Variants in JAKMIP2 observed in about 807,000 individuals in gnomAD.
JAKMIP2 encodes the protein janus kinase and microtubule-interacting protein 2.
JAKMIP2 carries 25 observed loss-of-function variants against 115.0 expected under a neutral mutation model. The ratio of observed to expected loss-of-function variants is 0.22; its 90% CI spans 0.16 to 0.30. The LOEUF (loss-of-function observed/expected upper bound fraction) is 0.30. Ranked by LOEUF, JAKMIP2 falls within the 10% of genes least tolerant of loss-of-function variation. The pLI, the probability that JAKMIP2 is intolerant of heterozygous loss-of-function variation, is 1.00. For synonymous variants in JAKMIP2, 334 were observed against 343.6 expected (o/e 0.97, Z 0.31); for missense variants, 642 against 957.6 (o/e 0.67, Z 4.35).
chr5:147,679,807 T>A (rs1760165784), intron 1 of JAKMIP2, among the ~76,000 whole-genome samples: 1 of 152,208 alleles, frequency 6.6e-6, no homozygotes, highest in African/African-American at 2.4e-5. Context: ...GGCTTAGCTA[T>A]AATAACACTT....
intron 1 of JAKMIP2, among the ~76,000 whole-genome samples, chr5:147,743,997 T>TC (rs1317107609): frequency 1.1e-4 from 12 of 110,612 alleles, no homozygotes; most frequent in Non-Finnish European, 1.6e-4. Context: ...CTTCCTAACT[T>TC]CTTTCCTTCC....
intron 1 of JAKMIP2, among the ~76,000 whole-genome samples, chr5:147,714,881 A>G (rs1198445281): frequency 1.3e-5 from 2 of 152,200 alleles, no homozygotes; most frequent in Non-Finnish European, 2.9e-5. Context: ...ACACTGAAGA[A>G]AAATCTAAAG....
intron 1 of JAKMIP2, among the ~76,000 whole-genome samples, chr5:147,754,252 GT>G (rs1490873670): frequency 3.3e-5 from 5 of 152,156 alleles, no homozygotes; most frequent in African/African-American, 1.2e-4. Context: ...GCAAGAGGAT[GT>G]TTGAAGTGTC....
Position 147,590,700 on chromosome 5 carries a change from C to G in JAKMIP2, c.*1007G>C, listed in dbSNP as rs1412075948. On this transcript the variant is annotated 3_prime_UTR_variant, in exon 22 of 22. Transcript: ENST00000616793. ...TTCATTTGCAGGCAATTTTAAGCAG[C>G]CATTTGAAAAACAGTATTTTGGAAA... is the stretch of plus-strand genomic sequence containing the variant. The G allele has an allele frequency of 6.6e-6, 1 of 152,146 alleles. No homozygotes were observed. The highest frequency in any genetic ancestry group is 2.4e-5 in the African/African-American group (1 of 41,440). The allele number at this position is 152,146 out of a possible 1,614,324, so 9.4% of individuals were successfully genotyped here. A position where few individuals can be genotyped will look rare whatever the true frequency, so the allele number is the denominator to read the frequency against.
At chr5:147,717,335 T>A (rs1395200788) in intron 1 of JAKMIP2, among the ~76,000 whole-genome samples, 1 of 146,944 alleles carries the variant, frequency 6.8e-6, no homozygotes, top group East Asian at 2.0e-4. Context: ...GCGGGCTCTT[T>A]TTTGGTTCCA....
At chr5:147,702,641 A>G (rs542322381) in intron 1 of JAKMIP2, among the ~76,000 whole-genome samples, 1 of 134,148 alleles carries the variant, frequency 7.5e-6, no homozygotes, top group African/African-American at 3.1e-5. Flanking sequence ...AGAAAGAAAG[A>G]AAGAAAGAAA....
chr5:147,599,263 CAA>C lies in JAKMIP2; in HGVS notation c.*20+2476_*20+2477del, dbSNP rs1415255556. 6.4e-3 allele frequency among the ~76,000 whole-genome samples: 969 copies of C among 152,248 alleles called. 48 individuals are homozygous for C. The East Asian group carries it at 0.13, about 20-fold the overall frequency. ...ATAACCTCGTCTCATTCTCTCAACACAACACCCTGCTGTAGGTAACATGATTA... is the reference window on the plus strand; with the variant it reads ...ATAACCTCGTCTCATTCTCTCAACACCACCCTGCTGTAGGTAACATGATTA... On this transcript the variant is annotated intron_variant, in intron 21 of 21. Transcript: ENST00000616793.
chr5:147,661,520 G>T, intron 2 of JAKMIP2, 75 bp from the exon 3 acceptor site: 1 of 1,442,176 alleles, frequency 6.9e-7, no homozygotes, highest in Non-Finnish European at 9.3e-7. Flanking sequence ...AGGATTTGCA[G>T]CTCAGGCCGC....
rs199704454 is a variant in JAKMIP2 at position 147,640,736 on chromosome 5, T to C, written c.1369A>G (p.Thr457Ala). Residue 457 changes from threonine (T) to alanine (A), a missense_variant, in exon 9 of 22, where the codon ACA (threonine) becomes GCA (alanine). Thr to Ala is a moderately conservative substitution (Grantham distance 58). Transcript: ENST00000616793. ...AAGTCATCATCAGGAGTAGCTGGTG[T>C]TCTGTCTGTTCTAAATGAGGCCATG... ...SSMASFRTDRTPATPDDDLDE... is the reference protein window; with the variant it reads ...SSMASFRTDRAPATPDDDLDE... 1 of 1,613,796 alleles carries C rather than the reference T, an allele frequency of 6.2e-7. No homozygotes were observed. The highest frequency in any genetic ancestry group is 1.7e-5 in the Admixed American group (1 of 60,006).
intron 1 of JAKMIP2, among the ~76,000 whole-genome samples, chr5:147,702,521 AGGAG>A (rs1468488657): frequency 6.8e-6 from 1 of 147,162 alleles, no homozygotes; most frequent in Non-Finnish European, 1.5e-5. Context: ...AAGGAAGGAA[AGGAG>A]GGAGGGAGAG....
At chr5:147,632,830 C>T (rs759314170) in intron 12 of JAKMIP2, 52 bp from the exon 13 acceptor site, 1 of 1,149,460 alleles carries the variant, frequency 8.7e-7, no homozygotes, top group Non-Finnish European at 1.3e-6. Flanking sequence ...GCACCTACAA[C>T]TTTGCAAAGC....
chr5:147,722,397 A>G (rs575352671), intron 1 of JAKMIP2, among the ~76,000 whole-genome samples: 81 of 151,944 alleles, frequency 5.3e-4, no homozygotes, highest in African/African-American at 1.9e-3. Flanking sequence ...TTTGTTTCTG[A>G]TTACCTGCTT....
At chr5:147,645,064 T>C in intron 5 of JAKMIP2, 68 bp from the exon 6 acceptor site, 1 of 1,517,966 alleles carries the variant, frequency 6.6e-7, no homozygotes, top group South Asian at 1.2e-5. Context: ...AGTAAAGTGG[T>C]GGGAGTGAAA....
At chr5:147,593,206 A>G (rs1755185136) in intron 21 of JAKMIP2, among the ~76,000 whole-genome samples, 2 of 152,204 alleles carry the variant, frequency 1.3e-5, no homozygotes, top group Non-Finnish European at 2.9e-5. Context: ...CTCCTTAGCA[A>G]AAAGCTGTGG....
chr5:147,696,253 T>G (rs1752103037), intron 1 of JAKMIP2, among the ~76,000 whole-genome samples: 1 of 152,170 alleles, frequency 6.6e-6, no homozygotes, highest in African/African-American at 2.4e-5. Context: ...CGAATTGTAG[T>G]TCCCATAATC....
intron 1 of JAKMIP2, among the ~76,000 whole-genome samples, chr5:147,676,197 G>A (rs1261149913): frequency 6.6e-6 from 1 of 152,172 alleles, no homozygotes; most frequent in African/African-American, 2.4e-5. Context: ...TTAGCCGGAC[G>A]TGGCGGCCGG....
chr5:147,617,885 C>T (rs369950428), intron 19 of JAKMIP2, 26 bp downstream of exon 19: 316 of 1,598,560 alleles, frequency 2.0e-4, no homozygotes, highest in African/African-American at 2.7e-4. Context: ...ACTAACCCTA[C>T]GCAGAGGCAG....
intron 1 of JAKMIP2, among the ~76,000 whole-genome samples, chr5:147,751,394 G>A (rs1344050983): frequency 6.6e-6 from 1 of 151,832 alleles, no homozygotes; most frequent in African/African-American, 2.4e-5. Context: ...CAGCATGCCC[G>A]ACATGGATGA....
At position 147,782,485 on chromosome 5, in the gene JAKMIP2, G is replaced by A. The variant is rs1345267744; in HGVS notation, c.-178C>T. ...CTGAGACCCGGAGAAGCTGTTTAAA[G>A]GAGGGAGAGATGCAAACTGAATCCA... On this transcript the variant is annotated 5_prime_UTR_variant, in exon 1 of 22. Transcript: ENST00000616793. 36 of 1,535,776 alleles carry A rather than the reference G, an allele frequency of 2.3e-5. No homozygotes were observed. The highest frequency in any genetic ancestry group is 2.5e-5 in the Non-Finnish European group (29 of 1,146,714).
Sources: gnomAD v4.1 joint callset for allele counts (sites outside exome capture counted in the v4.1 genomes callset) on GRCh38, gnomAD v4.1.1 for gene constraint, MANE v1.5 for transcripts, NCBI Gene and HGNC (gene_info 2026-07-23, HGNC 2026-07-21) for gene names.